The following RALGAPA1 variants were observed in gnomAD, a reference collection of about 807,000 sequenced individuals.
RALGAPA1 encodes the protein ral GTPase-activating protein subunit alpha-1.
Under a neutral mutation model 269.6 loss-of-function variants are expected in RALGAPA1, and 52 were observed. The observed-to-expected ratio is 0.19, with a 90% CI of 0.15 to 0.24. The LOEUF is 0.24. RALGAPA1 is among the 10% of genes least tolerant of loss of function. RALGAPA1 has a pLI of 1.00. For synonymous variants in RALGAPA1, 817 were observed against 1,008.3 expected (o/e 0.81, Z 3.60); for missense variants, 1,917 against 3,013.9 (o/e 0.64, Z 8.52).
intron 35 of RALGAPA1, among the ~76,000 whole-genome samples, chr14:35,624,149 T>C (rs535582107): frequency 6.1e-3 from 130 of 21,344 alleles, no homozygotes; most frequent in African/African-American, 0.027. Flanking sequence ...CACAATATAA[T>C]ACAACGCAAA....
intron 22 of RALGAPA1, chr14:35,676,155 G>A (rs1288690876): frequency 6.6e-6 from 1 of 151,748 alleles, no homozygotes; most frequent in Non-Finnish European, 1.5e-5. Flanking sequence ...CCTTTTCAAA[G>A]CTAACAAAAT....
In RALGAPA1 at chr14:35,570,603, T is replaced by TA; in HGVS notation, c.7496+13dup. The TA allele has an allele frequency of 6.3e-7, 1 of 1,591,616 alleles. No individual in the cohort carries two copies. Among genetic ancestry groups the TA allele is most frequent in the Non-Finnish European group, 8.5e-7 (1 of 1,172,644 alleles). On this transcript the variant is annotated intron_variant, in intron 39 of 41. Transcript: ENST00000680220. ...TACGTTAGAGTAGAAACCATTACAT[T>TA]AAAAAAAGGATACAAGTTTTGATAC...
intron 26 of RALGAPA1, among the ~76,000 whole-genome samples, chr14:35,668,393 G>T (rs537167870): frequency 6.6e-6 from 1 of 151,722 alleles, no homozygotes; most frequent in Admixed American, 6.6e-5. Flanking sequence ...TGAGGCAAAA[G>T]AATCACTTGA....
intron 27 of RALGAPA1, among the ~76,000 whole-genome samples, 188 bp downstream of exon 27, chr14:35,664,454 G>A (rs1396622426): frequency 6.6e-6 from 1 of 152,146 alleles, no homozygotes; most frequent in African/African-American, 2.4e-5. Flanking sequence ...AGGTTCTAAA[G>A]CAGTTTTAAA....
At chr14:35,712,170 C>T (rs1595264063) in intron 16 of RALGAPA1, among the ~76,000 whole-genome samples, 1 of 149,304 alleles carries the variant, frequency 6.7e-6, no homozygotes, top group East Asian at 2.0e-4. Flanking sequence ...TTGCTTGAAC[C>T]TGGGAGGCGA....
chr14:35,583,142 A>C (rs1003586414), intron 37 of RALGAPA1, among the ~76,000 whole-genome samples: 1 of 152,222 alleles, frequency 6.6e-6, no homozygotes, highest in South Asian at 2.1e-4. Context: ...CAGAGATGCT[A>C]GAATTATCAG....
intron 34 of RALGAPA1, among the ~76,000 whole-genome samples, chr14:35,626,496 T>C (rs540122826): frequency 3.1e-4 from 47 of 152,290 alleles, no homozygotes; most frequent in Admixed American, 2.5e-3. Flanking sequence ...ATACATTATC[T>C]GATTTAATTC....
chr14:35,769,999 C>T (rs2074493491), intron 4 of RALGAPA1, among the ~76,000 whole-genome samples: 1 of 152,046 alleles, frequency 6.6e-6, no homozygotes, highest in South Asian at 2.1e-4. Flanking sequence ...AACTACAATA[C>T]AATATTCCTC....
intron 1 of RALGAPA1, among the ~76,000 whole-genome samples, chr14:35,792,470 A>T (rs1161634298): frequency 6.6e-6 from 1 of 151,952 alleles, no homozygotes; most frequent in African/African-American, 2.4e-5. Context: ...ACAAGCTCTT[A>T]ATGTGCTTTA....
intron 29 of RALGAPA1, 101 bp from the exon 30 acceptor site, chr14:35,654,578 T>C: frequency 3.8e-6 from 5 of 1,314,234 alleles, no homozygotes; most frequent in Admixed American, 3.2e-5. Flanking sequence ...TGTAGGATTA[T>C]AAATCCTACA....
chr14:35,797,977 A>T (rs1362188986), intron 1 of RALGAPA1, among the ~76,000 whole-genome samples: 1 of 151,556 alleles, frequency 6.6e-6, no homozygotes, highest in South Asian at 2.1e-4. Context: ...GGCTCAAGCA[A>T]TCCTCCTGCC....
At chr14:35,584,419 C>G (rs2058145637) in intron 37 of RALGAPA1, among the ~76,000 whole-genome samples, 1 of 152,096 alleles carries the variant, frequency 6.6e-6, no homozygotes, top group Non-Finnish European at 1.5e-5. Context: ...GATACACCAT[C>G]ATGCCTGGCT....
intron 39 of RALGAPA1, among the ~76,000 whole-genome samples, chr14:35,566,332 T>A (rs2056702279): frequency 2.6e-5 from 4 of 152,146 alleles, no homozygotes. Context: ...CCCCATTTAG[T>A]GAACAACATT....
intron 26 of RALGAPA1, among the ~76,000 whole-genome samples, chr14:35,669,984 G>A (rs957124700): frequency 6.6e-5 from 10 of 152,156 alleles, no homozygotes; most frequent in African/African-American, 2.4e-4. Flanking sequence ...ACCAAGATGA[G>A]TAAGACATGA....
chr14:35,539,638 A>T lies in RALGAPA1; in HGVS notation c.*76T>A. The T allele has an allele frequency of 6.2e-7, 1 of 1,614,162 alleles. No individual in the cohort carries two copies. Among genetic ancestry groups the T allele is most frequent in the Non-Finnish European group, 8.5e-7 (1 of 1,180,024 alleles). On this transcript the variant is annotated 3_prime_UTR_variant, in exon 42 of 42. Coordinates refer to ENST00000680220, the MANE Select transcript of RALGAPA1 (RefSeq NM_001346249.2). ...ACATTGGAGAGGCCAGGTCAGCCCCATCTACCTGCGTTGCTGTGGGAGTTT... is the reference window on the plus strand; with the variant it reads ...ACATTGGAGAGGCCAGGTCAGCCCCTTCTACCTGCGTTGCTGTGGGAGTTT...
intron 35 of RALGAPA1, among the ~76,000 whole-genome samples, chr14:35,606,930 T>C (rs1413696454): frequency 6.6e-6 from 1 of 152,168 alleles, no homozygotes; most frequent in Admixed American, 6.5e-5. Context: ...AATATTTTAC[T>C]TTAGGTGATG....
At chr14:35,780,698 T>G (rs1043348235) in intron 1 of RALGAPA1, among the ~76,000 whole-genome samples, 1 of 152,226 alleles carries the variant, frequency 6.6e-6, no homozygotes, top group African/African-American at 2.4e-5. Flanking sequence ...CCAAAACTTA[T>G]GGCATCCAGC....
At chr14:35,701,869 G>A (rs1028158597) in intron 16 of RALGAPA1, among the ~76,000 whole-genome samples, 2 of 151,784 alleles carry the variant, frequency 1.3e-5, no homozygotes, top group Non-Finnish European at 2.9e-5. Context: ...GGCTGGTGTC[G>A]AACTCCTGTG....
At chr14:35,560,510 C>T (rs2056106594) in intron 39 of RALGAPA1, among the ~76,000 whole-genome samples, 4 of 152,170 alleles carry the variant, frequency 2.6e-5, no homozygotes. Context: ...CATCCTCTCA[C>T]CCTATCCTCT....
Sources: allele counts gnomAD v4.1 joint callset (sites outside exome capture counted in the v4.1 genomes callset), GRCh38; gene constraint gnomAD v4.1.1; transcripts MANE v1.5; gene names NCBI Gene and HGNC (gene_info 2026-07-23, HGNC 2026-07-21).